Variants in PTPRR observed in about 807,000 individuals in gnomAD.
PTPRR encodes protein tyrosine phosphatase receptor type R.
PTPRR carries 38 observed loss-of-function variants against 77.2 expected under a neutral mutation model. The observed-to-expected ratio is 0.49, with a 90% CI of 0.38 to 0.65. The LOEUF (loss-of-function observed/expected upper bound fraction) is 0.65. Ranked by LOEUF, PTPRR falls within the 30% of genes least tolerant of loss-of-function variation. The pLI is 0.00. For missense variants in PTPRR, 744 were observed against 799.2 expected (o/e 0.93, Z 0.83); for synonymous variants, 299 against 283.1 (o/e 1.06, Z -0.57).
chr12:70,813,229 T>C (rs1360123214), intron 2 of PTPRR, among the ~76,000 whole-genome samples: 1 of 152,224 alleles, frequency 6.6e-6, no homozygotes, highest in Non-Finnish European at 1.5e-5. Flanking sequence ...CTAATTTTCT[T>C]CAAAATGTTG....
At chr12:70,836,160 C>T (rs922744138) in intron 2 of PTPRR, among the ~76,000 whole-genome samples, 7 of 152,102 alleles carry the variant, frequency 4.6e-5, no homozygotes, top group Non-Finnish European at 7.4e-5. Context: ...CAGATAACCT[C>T]AGCGGTTTCT....
intron 2 of PTPRR, among the ~76,000 whole-genome samples, chr12:70,821,517 G>T (rs1333020320): frequency 1.3e-5 from 2 of 151,774 alleles, no homozygotes; most frequent in Non-Finnish European, 2.9e-5. Flanking sequence ...GAGCCACTGT[G>T]CCCGGCTGCG....
chr12:70,872,254 T>A (rs999215015), intron 2 of PTPRR, among the ~76,000 whole-genome samples: 1 of 152,122 alleles, frequency 6.6e-6, no homozygotes, highest in Non-Finnish European at 1.5e-5. Flanking sequence ...TAATGGCACA[T>A]GAAGTAGGCT....
intron 8 of PTPRR, among the ~76,000 whole-genome samples, chr12:70,692,885 C>T (rs1453482886): frequency 1.3e-5 from 2 of 152,140 alleles, no homozygotes; most frequent in African/African-American, 4.8e-5. Context: ...GTGTGGTGAG[C>T]CCCTAGAGGG....
At chr12:70,782,417 T>C (rs985039578) in intron 2 of PTPRR, among the ~76,000 whole-genome samples, 2 of 152,060 alleles carry the variant, frequency 1.3e-5, no homozygotes, top group African/African-American at 4.8e-5. Context: ...CTATTCACAA[T>C]AGCAAAGACT....
At chr12:70,670,154 T>C (rs1395338888) in intron 10 of PTPRR, among the ~76,000 whole-genome samples, 1 of 152,194 alleles carries the variant, frequency 6.6e-6, no homozygotes, top group African/African-American at 2.4e-5. Context: ...AGATGAAAGA[T>C]GCATGTAAAT....
intron 6 of PTPRR, among the ~76,000 whole-genome samples, chr12:70,707,554 C>T (rs934038786): frequency 2.6e-5 from 4 of 152,026 alleles, no homozygotes; most frequent in African/African-American, 9.7e-5. Flanking sequence ...GACATTGAGT[C>T]ATTTTCAATT....
In PTPRR at chr12:70,839,758, T is replaced by C. The variant is rs151227530; in HGVS notation, c.357+52921A>G. Among the ~76,000 whole-genome samples, 190 of 152,306 alleles carry C rather than the reference T, an allele frequency of 1.2e-3. 1 individual carries two copies. The highest frequency in any genetic ancestry group is 2.7e-3 in the South Asian group (13 of 4,820). On this transcript the variant is annotated intron_variant, in intron 2 of 13. Transcript: ENST00000283228. ...TGGTAACTGGCTGCTTGTATTCACA[T>C]GCGGGCCAGGTATAGAGCTTCGCTT...
chr12:70,862,532 T>G lies in PTPRR; in HGVS notation c.357+30147A>C, dbSNP rs1390109652. ...GCATATTCTCACTCATAGGTGGGAA[T>G]TGAACAATGAGAACACATGGACACA... is the stretch of plus-strand genomic sequence containing the variant. On this transcript the variant is annotated intron_variant, in intron 2 of 13. Transcript: ENST00000283228. Among the ~76,000 whole-genome samples, 3 of 137,912 alleles carry G rather than the reference T, an allele frequency of 2.2e-5. No homozygotes were observed. In the East Asian group the frequency reaches 6.5e-4, roughly 30 times the overall value. The allele number at this position is 137,912 out of a possible 152,430, so 90.5% of individuals were successfully genotyped here.
intron 9 of PTPRR, 127 bp downstream of exon 9, chr12:70,684,577 C>A (rs1362345896): frequency 2.7e-6 from 2 of 730,160 alleles, no homozygotes; most frequent in Admixed American, 2.9e-5. Context: ...AGATAAAAAA[C>A]CAAACAAAAT....
chr12:70,919,673 GTTTTTTTTTTT>G lies in PTPRR; in HGVS notation c.58+649_58+659del, dbSNP rs58439089. 9.0e-3 allele frequency among the ~76,000 whole-genome samples: 993 copies of G among 110,066 alleles called. 37 individuals are homozygous for G. In the South Asian group the frequency reaches 0.12, roughly 13 times the overall value. 72.2% of individuals were successfully genotyped at this position (110,066 alleles called of 152,430 possible). A position where few individuals can be genotyped will look rare whatever the true frequency, so the allele number is the denominator to read the frequency against. ...GGTTGTCAGCTTTGGAACTGTAATT[GTTTTTTTTTTT>G]TTTTTTTTTTTTTTTTTTTTTAATA... On this transcript the variant is annotated intron_variant, in intron 1 of 13. Transcript: ENST00000283228.
intron 2 of PTPRR, among the ~76,000 whole-genome samples, chr12:70,776,517 A>G (rs1315193336): frequency 2.6e-5 from 4 of 151,792 alleles, no homozygotes; most frequent in Non-Finnish European, 5.9e-5. Flanking sequence ...AATGATCTTA[A>G]CTCCTCCATT....
At chr12:70,858,764 A>G (rs1277033664) in intron 2 of PTPRR, among the ~76,000 whole-genome samples, 1 of 152,062 alleles carries the variant, frequency 6.6e-6, no homozygotes, top group Non-Finnish European at 1.5e-5. Context: ...ATATCTTTAT[A>G]AAGGCTACTC....
intron 8 of PTPRR, among the ~76,000 whole-genome samples, chr12:70,688,906 A>C (rs1887963125): frequency 6.6e-6 from 1 of 152,314 alleles, no homozygotes; most frequent in South Asian, 2.1e-4. Context: ...TAGACTTCAC[A>C]GATATTATGC....
Position 70,852,156 on chromosome 12 carries a change from G to C in PTPRR, c.357+40523C>G, listed in dbSNP as rs538539294. 2.6e-5 allele frequency among the ~76,000 whole-genome samples: 4 copies of C among 152,238 alleles called. No individual in the cohort carries two copies. The South Asian group carries it at 8.3e-4, about 31-fold the overall frequency. On this transcript the variant is annotated intron_variant, in intron 2 of 13. Transcript: ENST00000283228. The stretch of plus-strand genomic sequence containing the variant: ...TGAAATTTACCTGATGAGACCAGAT[G>C]CTTTAAAAATTTTTTTCAAGTCAAA...
chr12:70,758,382 A>G (rs534562664), intron 4 of PTPRR, among the ~76,000 whole-genome samples: 172 of 150,070 alleles, frequency 1.1e-3, no homozygotes, highest in Admixed American at 4.2e-3. Context: ...CTCTTTTTGT[A>G]TAGGGAGCTT....
intron 1 of PTPRR, among the ~76,000 whole-genome samples, chr12:70,919,677 T>TG (rs1893825403): frequency 4.9e-5 from 1 of 20,420 alleles, no homozygotes. Flanking sequence ...GTAATTGTTT[T>TG]TTTTTTTTTT....
intron 1 of PTPRR, among the ~76,000 whole-genome samples, chr12:70,909,700 A>T (rs1893672983): frequency 6.6e-6 from 1 of 152,200 alleles, no homozygotes; most frequent in Non-Finnish European, 1.5e-5. Context: ...TAAGACTGAA[A>T]GTCAGCATTA....
At chr12:70,895,397 G>T (rs1893410244) in intron 1 of PTPRR, among the ~76,000 whole-genome samples, 1 of 151,434 alleles carries the variant, frequency 6.6e-6, no homozygotes, top group South Asian at 2.1e-4. Flanking sequence ...ATAAATGCAT[G>T]CTAAAATTGG....
Sources: allele counts gnomAD v4.1 joint callset (sites outside exome capture counted in the v4.1 genomes callset), GRCh38; gene constraint gnomAD v4.1.1; transcripts MANE v1.5; gene names NCBI Gene and HGNC (gene_info 2026-07-23, HGNC 2026-07-21).